CABCOCO1: variants seen among roughly 807,000 people sequenced by gnomAD.
The protein encoded by CABCOCO1 is ciliary-associated calcium-binding coiled-coil protein 1.
CABCOCO1 carries 28 observed loss-of-function variants against 35.7 expected under a neutral mutation model. The observed-to-expected ratio is 0.78, with a 90% CI of 0.58 to 1.07. The LOEUF is 1.07. CABCOCO1 is among the 50% of genes least tolerant of loss of function. The pLI, the probability that CABCOCO1 is intolerant of heterozygous loss-of-function variation, is 0.00. For missense variants in CABCOCO1, 326 were observed against 309.2 expected (o/e 1.05, Z -0.41); for synonymous variants, 95 against 100.1 (o/e 0.95, Z 0.30).
Position 61,766,189 on chromosome 10 carries a change from C to T in CABCOCO1, c.*176C>T. ...TATTGGTCCCAATTTTGCTATCTCCCATCCCATAACAGCCTCTGAATTTAT... is the reference window on the plus strand; with the variant it reads ...TATTGGTCCCAATTTTGCTATCTCCTATCCCATAACAGCCTCTGAATTTAT... On this transcript the variant is annotated 3_prime_UTR_variant, in exon 8 of 8. Coordinates refer to ENST00000648843, the MANE Select transcript of CABCOCO1 (RefSeq NM_001366906.2). 1.9e-6 allele frequency: 1 copy of T among 522,656 alleles called. No homozygotes were observed. 32.4% of individuals were successfully genotyped at this position (522,656 alleles called of 1,614,324 possible). A position where few individuals can be genotyped will look rare whatever the true frequency, so the allele number is the denominator to read the frequency against.
At chr10:61,716,924 T>C (rs2132036321) in intron 5 of CABCOCO1, among the ~76,000 whole-genome samples, 1 of 152,196 alleles carries the variant, frequency 6.6e-6, no homozygotes, top group Middle Eastern at 3.4e-3. Flanking sequence ...CATATATATT[T>C]AAATACAGAT....
At chr10:61,711,159 A>G (rs1840725344) in intron 5 of CABCOCO1, among the ~76,000 whole-genome samples, 1 of 151,950 alleles carries the variant, frequency 6.6e-6, no homozygotes, top group East Asian at 1.9e-4. Context: ...AACCATATAA[A>G]TTATCACATT....
At chr10:61,667,683 G>C (rs11812557) in intron 1 of CABCOCO1, among the ~76,000 whole-genome samples, 1 of 151,544 alleles carries the variant, frequency 6.6e-6, no homozygotes, top group Non-Finnish European at 1.5e-5. Flanking sequence ...TTAGCTTCTT[G>C]TATAGGAAAA....
intron 4 of CABCOCO1, among the ~76,000 whole-genome samples, chr10:61,688,164 A>G (rs1306890814): frequency 1.3e-5 from 2 of 152,228 alleles, no homozygotes; most frequent in Non-Finnish European, 2.9e-5. Context: ...GTTGAAGGAA[A>G]AAAAACAGTT....
In CABCOCO1 at chr10:61,682,149, T is replaced by C. The variant is rs139789338; in HGVS notation, c.334+837T>C. Among the ~76,000 whole-genome samples the C allele has an allele frequency of 1.8e-3, 274 of 152,326 alleles. 1 individual carries two copies. Among genetic ancestry groups the C allele is most frequent in the African/African-American group, 6.3e-3 (260 of 41,578 alleles). On this transcript the variant is annotated intron_variant, in intron 3 of 7. Transcript: ENST00000648843. ...CAAATTTGAGAAGATATTTCTTTTTTAAACTTTTCCTGTAACTTATAACTG... is the reference window on the plus strand; with the variant it reads ...CAAATTTGAGAAGATATTTCTTTTTCAAACTTTTCCTGTAACTTATAACTG...
intron 5 of CABCOCO1, among the ~76,000 whole-genome samples, chr10:61,759,724 T>C (rs757703419): frequency 2.6e-5 from 4 of 151,916 alleles, no homozygotes; most frequent in Non-Finnish European, 4.4e-5. Flanking sequence ...ACACAGAGCA[T>C]CTAAAACTTG....
chr10:61,663,700 A>G (rs1839079717), intron 1 of CABCOCO1, among the ~76,000 whole-genome samples: 1 of 152,186 alleles, frequency 6.6e-6, no homozygotes, highest in Non-Finnish European at 1.5e-5. Context: ...TTCCTGTGTG[A>G]CAAAAGGTTG....
intron 4 of CABCOCO1, among the ~76,000 whole-genome samples, chr10:61,687,583 G>A (rs1437672270): frequency 6.6e-6 from 1 of 152,140 alleles, no homozygotes; most frequent in East Asian, 1.9e-4. Context: ...CTTCTGGAAG[G>A]AGAAGGATGA....
chr10:61,672,554 G>A (rs1290181500), intron 1 of CABCOCO1, among the ~76,000 whole-genome samples, 78 bp from the exon 2 acceptor site: 3 of 152,170 alleles, frequency 2.0e-5, no homozygotes, highest in African/African-American at 7.2e-5. Flanking sequence ...ACTATAAGAA[G>A]AGCCAACTTT....
At chr10:61,668,151 CCTG>C (rs1839247264) in intron 1 of CABCOCO1, among the ~76,000 whole-genome samples, 1 of 151,634 alleles carries the variant, frequency 6.6e-6, no homozygotes, top group Non-Finnish European at 1.5e-5. Context: ...TTATATTAGA[CCTG>C]CTAATGATGA....
At chr10:61,702,607 G>C (rs7922049) in intron 5 of CABCOCO1, among the ~76,000 whole-genome samples, 1 of 151,866 alleles carries the variant, frequency 6.6e-6, no homozygotes, top group Non-Finnish European at 1.5e-5. Flanking sequence ...TTTATTGATC[G>C]CTTTTTTTAA....
At chr10:61,745,735 A>G (rs1187570210) in intron 5 of CABCOCO1, among the ~76,000 whole-genome samples, 1 of 152,226 alleles carries the variant, frequency 6.6e-6, no homozygotes, top group Non-Finnish European at 1.5e-5. Context: ...GTGCTGCAGC[A>G]TAAAGCTTAC....
intron 5 of CABCOCO1, among the ~76,000 whole-genome samples, chr10:61,728,081 A>T (rs541746119): frequency 6.6e-6 from 1 of 152,184 alleles, no homozygotes; most frequent in Admixed American, 6.5e-5. Flanking sequence ...AAAGGACTAA[A>T]CCCATTTTTG....
chr10:61,700,380 C>T (rs1329238295), intron 5 of CABCOCO1, among the ~76,000 whole-genome samples: 2 of 151,920 alleles, frequency 1.3e-5, no homozygotes, highest in Admixed American at 1.3e-4. Flanking sequence ...GGAAAATTAA[C>T]AAAGCATATT....
intron 5 of CABCOCO1, among the ~76,000 whole-genome samples, chr10:61,704,642 A>G (rs1276778655): frequency 6.6e-6 from 1 of 152,148 alleles, no homozygotes; most frequent in African/African-American, 2.4e-5. Flanking sequence ...CAGATCCCTG[A>G]CCCACAGAAT....
At chr10:61,697,344 A>T (rs1371564069) in intron 5 of CABCOCO1, among the ~76,000 whole-genome samples, 1 of 152,134 alleles carries the variant, frequency 6.6e-6, no homozygotes, top group Non-Finnish European at 1.5e-5. Flanking sequence ...ACACTATAAA[A>T]AACTATCAAG....
intron 5 of CABCOCO1, among the ~76,000 whole-genome samples, chr10:61,698,262 T>C (rs1162459513): frequency 6.6e-6 from 1 of 152,164 alleles, no homozygotes; most frequent in Non-Finnish European, 1.5e-5. Flanking sequence ...TTAAGCCAAC[T>C]CACTCAATCT....
chr10:61,725,494 C>A (rs561125400), intron 5 of CABCOCO1, among the ~76,000 whole-genome samples: 1 of 151,384 alleles, frequency 6.6e-6, no homozygotes, highest in East Asian at 1.9e-4. Flanking sequence ...TCATTCTGAG[C>A]AAACTATCAG....
chr10:61,721,067 C>T (rs373869954), intron 5 of CABCOCO1, among the ~76,000 whole-genome samples: 1 of 151,268 alleles, frequency 6.6e-6, no homozygotes, highest in African/African-American at 2.4e-5. Flanking sequence ...TGGGACTACA[C>T]GCGCCCGCCA....
Sources: gnomAD v4.1 joint callset for allele counts (sites outside exome capture counted in the v4.1 genomes callset) on GRCh38, gnomAD v4.1.1 for gene constraint, MANE v1.5 for transcripts, NCBI Gene and HGNC (gene_info 2026-07-23, HGNC 2026-07-21) for gene names.